Variants in DSCAM observed in about 807,000 individuals in gnomAD.
DSCAM encodes DS cell adhesion molecule, also known as cell adhesion molecule DSCAM.
DSCAM carries 47 observed loss-of-function variants against 217.7 expected under a neutral mutation model. The observed-to-expected ratio is 0.22, with a 90% CI of 0.17 to 0.28. The LOEUF (loss-of-function observed/expected upper bound fraction) is 0.28, where lower values mean the gene tolerates loss of function less well. DSCAM is among the 10% of genes least tolerant of loss of function. The probability of loss-of-function intolerance (pLI) is 1.00; values close to 1 mark genes in which losing one functional copy is unlikely to be tolerated. For missense variants in DSCAM, 2,080 were observed against 2,618.3 expected (o/e 0.79, Z 4.49); for synonymous variants, 1,056 against 1,015.3 (o/e 1.04, Z -0.76).
intron 1 of DSCAM, among the ~76,000 whole-genome samples, chr21:40,764,248 G>GA (rs1313236544): frequency 2.9e-4 from 39 of 136,230 alleles, no homozygotes; most frequent in African/African-American, 1.0e-3. Context: ...AAATTTACAA[G>GA]AAAAAAACAA....
At chr21:40,798,780 C>T (rs957372634) in intron 1 of DSCAM, among the ~76,000 whole-genome samples, 3 of 152,082 alleles carry the variant, frequency 2.0e-5, no homozygotes, top group Non-Finnish European at 2.9e-5. Context: ...TGTAGAACTA[C>T]AAGAGTTGCT....
chr21:40,604,523 A>T (rs2089206325), intron 3 of DSCAM, among the ~76,000 whole-genome samples: 1 of 152,214 alleles, frequency 6.6e-6, no homozygotes, highest in Non-Finnish European at 1.5e-5. Context: ...GTATTTGGGT[A>T]ATGAAAGCTA....
intron 3 of DSCAM, among the ~76,000 whole-genome samples, chr21:40,505,824 C>G (rs562668289): frequency 1.2e-4 from 18 of 152,328 alleles, no homozygotes; most frequent in Non-Finnish European, 2.6e-4. Context: ...ACTACACTCC[C>G]CATATCCAGT....
chr21:40,645,131 G>A (rs957756467), intron 3 of DSCAM, among the ~76,000 whole-genome samples: 11 of 152,226 alleles, frequency 7.2e-5, no homozygotes, highest in South Asian at 2.1e-4. Context: ...AATAATTAAC[G>A]TACTCTCTTC....
intron 3 of DSCAM, among the ~76,000 whole-genome samples, chr21:40,466,125 A>T (rs1350178146): frequency 6.6e-6 from 1 of 152,206 alleles, no homozygotes; most frequent in African/African-American, 2.4e-5. Flanking sequence ...GTGATTCTAA[A>T]TTCATTGCTT....
At chr21:40,499,046 G>T (rs1258906960) in intron 3 of DSCAM, among the ~76,000 whole-genome samples, 1 of 151,658 alleles carries the variant, frequency 6.6e-6, no homozygotes, top group Non-Finnish European at 1.5e-5. Context: ...CTTGTAGTAT[G>T]AGTAATAATT....
At chr21:40,799,650 A>G (rs556401744) in intron 1 of DSCAM, among the ~76,000 whole-genome samples, 1 of 152,326 alleles carries the variant, frequency 6.6e-6, no homozygotes, top group South Asian at 2.1e-4. Context: ...AGTCTTTTTC[A>G]GCTTGTAAAG....
At chr21:40,309,253 A>C (rs965195942) in intron 9 of DSCAM, among the ~76,000 whole-genome samples, 3 of 152,124 alleles carry the variant, frequency 2.0e-5, no homozygotes, top group African/African-American at 7.2e-5. Context: ...TCCTCTAATC[A>C]AGCCCTCGCT....
At chr21:40,333,130 G>A (rs962579181) in intron 8 of DSCAM, among the ~76,000 whole-genome samples, 1 of 152,130 alleles carries the variant, frequency 6.6e-6, no homozygotes, top group African/African-American at 2.4e-5. Context: ...AAAAGTAGTG[G>A]AGCTGCATTT....
At chr21:40,115,616 C>G (rs1328558742) in intron 20 of DSCAM, among the ~76,000 whole-genome samples, 1 of 152,042 alleles carries the variant, frequency 6.6e-6, no homozygotes, top group Admixed American at 6.6e-5. Context: ...TCATCTCACA[C>G]CAGGCAGAAT....
rs137889411 is a variant in DSCAM, at chr21:40,160,759, T to C, written c.3018+6459A>G. ...AAATACAATACTTGCCTTCTAAAGTTATATTGCAACTTTACAGCTTATAAC... is the reference window on the plus strand; with the variant it reads ...AAATACAATACTTGCCTTCTAAAGTCATATTGCAACTTTACAGCTTATAAC... On this transcript the variant is annotated intron_variant, in intron 16 of 32. Transcript: ENST00000400454. 1.8e-3 allele frequency among the ~76,000 whole-genome samples: 270 copies of C among 152,344 alleles called. No individual in the cohort carries two copies. The Middle Eastern group carries it at 0.027, about 15-fold the overall frequency.
chr21:40,530,113 C>G (rs1601719117), intron 3 of DSCAM, among the ~76,000 whole-genome samples: 1 of 152,242 alleles, frequency 6.6e-6, no homozygotes, highest in Non-Finnish European at 1.5e-5. Context: ...TAGCTCCACA[C>G]TGCCCCCAGA....
intron 3 of DSCAM, among the ~76,000 whole-genome samples, chr21:40,404,029 C>T (rs1417346235): frequency 6.6e-6 from 1 of 152,102 alleles, no homozygotes; most frequent in African/African-American, 2.4e-5. Flanking sequence ...ATGTTAATTC[C>T]CTTTTTAACA....
At chr21:40,749,596 G>A (rs2091207725) in intron 1 of DSCAM, among the ~76,000 whole-genome samples, 1 of 152,182 alleles carries the variant, frequency 6.6e-6, no homozygotes, top group Non-Finnish European at 1.5e-5. Flanking sequence ...AGGATGTGGA[G>A]AAAAGAGAGC....
At chr21:40,447,501 G>A (rs1313654568) in intron 3 of DSCAM, among the ~76,000 whole-genome samples, 4 of 152,110 alleles carry the variant, frequency 2.6e-5, no homozygotes, top group Non-Finnish European at 5.9e-5. Context: ...AGTAACCTAT[G>A]ATCACAAAAC....
intron 10 of DSCAM, among the ~76,000 whole-genome samples, chr21:40,290,534 T>A (rs1569044370): frequency 6.6e-6 from 1 of 152,078 alleles, no homozygotes; most frequent in Admixed American, 6.5e-5. Context: ...GGCAGAAGAA[T>A]CTCTTGAACC....
At chr21:40,113,167 G>C (rs556211591) in intron 20 of DSCAM, among the ~76,000 whole-genome samples, 9 of 152,250 alleles carry the variant, frequency 5.9e-5, no homozygotes, top group African/African-American at 2.2e-4. Flanking sequence ...AAAATCCTCA[G>C]TAAAATACTG....
At chr21:40,150,623 A>C (rs1296167410) in intron 16 of DSCAM, among the ~76,000 whole-genome samples, 2 of 152,204 alleles carry the variant, frequency 1.3e-5, no homozygotes, top group African/African-American at 4.8e-5. Flanking sequence ...GTAGGAGTGG[A>C]AGGTGTGCTT....
At chr21:40,730,039 C>T (rs1263278278) in intron 1 of DSCAM, among the ~76,000 whole-genome samples, 3 of 152,156 alleles carry the variant, frequency 2.0e-5, no homozygotes, top group Admixed American at 2.0e-4. Flanking sequence ...CTAGACATAC[C>T]ATTAATAATC....
Sources: allele counts gnomAD v4.1 joint callset (sites outside exome capture counted in the v4.1 genomes callset), GRCh38; gene constraint gnomAD v4.1.1; transcripts MANE v1.5; gene names NCBI Gene and HGNC (gene_info 2026-07-23, HGNC 2026-07-21).